The following ABCC2 variants were observed in gnomAD, a reference collection of about 807,000 sequenced individuals.
ABCC2 encodes ATP binding cassette subfamily C member 2, also known as ATP-binding cassette sub-family C member 2.
A neutral mutation model predicts 173.4 loss-of-function variants in ABCC2; 157 were observed. The observed-to-expected ratio is 0.91, with a 90% CI of 0.80 to 1.03. The LOEUF is 1.03. Among genes scored for constraint, ABCC2 ranks in the 50% least tolerant of loss-of-function variants. The pLI, the probability that ABCC2 is intolerant of heterozygous loss-of-function variation, is 0.00. For synonymous variants in ABCC2, 657 were observed against 693.5 expected, an observed-to-expected ratio of 0.95 and a Z score of 0.83; for missense variants, 1,822 against 1,852.3, an observed-to-expected ratio of 0.98 and a Z score of 0.30.
chr10:99,787,092 C>T (rs1469503819), intron 2 of ABCC2, among the ~76,000 whole-genome samples: 2 of 150,250 alleles, frequency 1.3e-5, no homozygotes, highest in South Asian at 2.1e-4. Flanking sequence ...CACTTGAACC[C>T]GGGAGGTGGA....
intron 8 of ABCC2, 37 bp downstream of exon 8, chr10:99,799,407 TC>T (rs1158273929): frequency 6.2e-7 from 1 of 1,611,164 alleles, no homozygotes; most frequent in Non-Finnish European, 8.5e-7. Context: ...TTTCAGGGCC[TC>T]CTCTGCCACC....
At chr10:99,842,935 C>T (rs947525789) in intron 26 of ABCC2, among the ~76,000 whole-genome samples, 1 of 152,108 alleles carries the variant, frequency 6.6e-6, no homozygotes, top group African/African-American at 2.4e-5. Context: ...TGTCTGTAAT[C>T]CCAGCTACTG....
At chr10:99,832,167 T>C in intron 23 of ABCC2, 36 bp downstream of exon 23, 1 of 1,613,812 alleles carries the variant, frequency 6.2e-7, no homozygotes, top group South Asian at 1.1e-5. Flanking sequence ...GGTGTGTTTA[T>C]ATACTGAGGA....
Position 99,830,691 on chromosome 10 carries a change from G to C in ABCC2, c.2748-25G>C, listed in dbSNP as rs367760868. 9.9e-6 allele frequency: 16 copies of C among 1,613,894 alleles called. No homozygotes were observed. The African/African-American group carries it at 2.1e-4, about 22-fold the overall frequency. ...GAAGACCCTTGGGAATTGCCTGCATGCTCAGGGAAGCTTCCCTCTCTCAGT... is the reference window on the plus strand; with the variant it reads ...GAAGACCCTTGGGAATTGCCTGCATCCTCAGGGAAGCTTCCCTCTCTCAGT... On this transcript the variant is annotated intron_variant, in intron 20 of 31. Coordinates refer to ENST00000647814, the MANE Select transcript of ABCC2 (RefSeq NM_000392.5).
chr10:99,831,467 A>AT, intron 21 of ABCC2, 144 bp from the exon 22 acceptor site: 1 of 748,046 alleles, frequency 1.3e-6, no homozygotes, highest in Non-Finnish European at 2.4e-6. Flanking sequence ...CAGTGCAGAA[A>AT]TGGTGACCAC....
intron 19 of ABCC2, among the ~76,000 whole-genome samples, chr10:99,825,779 C>T (rs572314995): frequency 1.4e-3 from 218 of 152,318 alleles, no homozygotes; most frequent in African/African-American, 4.8e-3. Flanking sequence ...TGGGGGCTCC[C>T]CTGGAAGCAG....
At chr10:99,830,999 A>C in intron 21 of ABCC2, 148 bp downstream of exon 21, 1 of 881,616 alleles carries the variant, frequency 1.1e-6, no homozygotes, top group East Asian at 2.7e-5. Context: ...TTAACCTGTT[A>C]GCAGAGGCTG....
rs775253982 is a variant in ABCC2 at position 99,831,738 on chromosome 10, C to T, written c.3011C>T (p.Thr1004Ile). 6.2e-6 allele frequency: 10 copies of T among 1,614,054 alleles called. No homozygotes were observed. The African/African-American group carries it at 8.0e-5, about 13-fold the overall frequency. Residue 1004 changes from threonine to isoleucine, a missense_variant, in exon 22 of 32, where the codon ACC becomes ATC. Coordinates refer to ENST00000647814, the MANE Select transcript of ABCC2 (RefSeq NM_000392.5). ...IGSNLWLSAWTSDSKIFNSTD... is the reference protein window; with the variant it reads ...IGSNLWLSAWISDSKIFNSTD... ...TCCAACCTCTGGCTCAGTGCTTGGA[C>T]CAGTGACTCTAAAATCTTCAATAGC...
intron 2 of ABCC2, among the ~76,000 whole-genome samples, chr10:99,790,295 C>T (rs1215346157): frequency 4.6e-5 from 7 of 152,106 alleles, no homozygotes; most frequent in Admixed American, 4.6e-4. Flanking sequence ...ATTGTATTCT[C>T]ATATTAATGA....
intron 16 of ABCC2, among the ~76,000 whole-genome samples, chr10:99,814,226 CACAT>C (rs2038292263): frequency 1.7e-5 from 1 of 60,426 alleles, no homozygotes; most frequent in Admixed American, 1.6e-4. Context: ...TATATATACA[CACAT>C]GTGTATATAT....
intron 1 of ABCC2, among the ~76,000 whole-genome samples, 175 bp from the exon 2 acceptor site, chr10:99,784,433 A>G (rs146343809): frequency 6.6e-6 from 1 of 152,322 alleles, no homozygotes; most frequent in African/African-American, 2.4e-5. Flanking sequence ...TTTGTCATTA[A>G]ATGGTGAATT....
In ABCC2 at chr10:99,800,412, G is replaced by A. The variant is rs7080681; in HGVS notation, c.1058G>A (p.Arg353His). The A allele has an allele frequency of 2.8e-3, 4,498 of 1,614,130 alleles. 90 individuals are homozygous for A. The African/African-American group carries it at 0.049, about 18-fold the overall frequency. The change falls in exon 9 of 32, where the codon CGT (arginine) becomes CAT (histidine). Residue 353 changes from arginine (R) to histidine (H), a missense_variant. Coordinates refer to ENST00000647814, the MANE Select transcript of ABCC2 (RefSeq NM_000392.5). ...TTGCTGATCTCCTTTGCAAGTGACC[G>A]TGACACATATTTGTGGATTGGATAT... ...LKLLISFASD[R>H]DTYLWIGYLC...
Position 99,851,796 on chromosome 10 carries a change from C to T in ABCC2, c.*165C>T, listed in dbSNP as rs913197993. On this transcript the variant is annotated 3_prime_UTR_variant, in exon 32 of 32. Transcript: ENST00000647814. ...CTACCCAGGTTAAGAAAATAAATGT[C>T]ACCAGGTACTTGAGAAACCCCTCGA... The T allele has an allele frequency of 1.5e-6, 1 of 668,670 alleles. No homozygotes were observed. Among genetic ancestry groups the T allele is most frequent in the African/African-American group, 1.8e-5 (1 of 54,612 alleles). The allele number at this position is 668,670 out of a possible 1,614,324, so 41.4% of individuals were successfully genotyped here. A position where few individuals can be genotyped will look rare whatever the true frequency, so the allele number is the denominator to read the frequency against.
At chr10:99,797,533 G>A in intron 7 of ABCC2, 1 of 579,580 alleles carries the variant, frequency 1.7e-6, no homozygotes, top group South Asian at 2.2e-5. Flanking sequence ...TTCCTTTGGG[G>A]TACTTTTGAA....
Position 99,805,366 on chromosome 10 carries a change from G to T in ABCC2, c.1465-16G>T. 8 of 1,611,256 alleles carry T rather than the reference G, an allele frequency of 5.0e-6. No homozygotes were observed. In the East Asian group the frequency reaches 6.7e-5, roughly 13 times the overall value. ...TGGAAGCGTATATTGTTTTTCTTTT[G>T]CTTTTTTCCTGGCAGGTCAAAAATA... On this transcript the variant is annotated splice_polypyrimidine_tract_variant and intron_variant, in intron 10 of 31. Coordinates refer to ENST00000647814, the MANE Select transcript of ABCC2 (RefSeq NM_000392.5).
chr10:99,814,908 A>C (rs1438939874), intron 16 of ABCC2, among the ~76,000 whole-genome samples: 1 of 150,976 alleles, frequency 6.6e-6, no homozygotes, highest in Non-Finnish European at 1.5e-5. Context: ...GGTTCAAGCA[A>C]TTCTCCTGCC....
At chr10:99,804,407 C>G in intron 10 of ABCC2, 134 bp downstream of exon 10, 1 of 1,198,070 alleles carries the variant, frequency 8.3e-7, no homozygotes, top group Non-Finnish European at 1.2e-6. Context: ...CTCAATTGTA[C>G]TTAGCTGTCT....
At chr10:99,801,861 T>C (rs969765905) in intron 9 of ABCC2, among the ~76,000 whole-genome samples, 4 of 152,240 alleles carry the variant, frequency 2.6e-5, no homozygotes, top group Non-Finnish European at 5.9e-5. Flanking sequence ...TGAGTAGATG[T>C]TGGTTCGTTG....
chr10:99,837,034 TA>T (rs2038834794), intron 25 of ABCC2, among the ~76,000 whole-genome samples: 1 of 152,228 alleles, frequency 6.6e-6, no homozygotes, highest in Admixed American at 6.5e-5. Flanking sequence ...GGCATATAAG[TA>T]AATCTTATTA....
Sources: gnomAD v4.1 joint callset for allele counts (sites outside exome capture counted in the v4.1 genomes callset) on GRCh38, gnomAD v4.1.1 for gene constraint, MANE v1.5 for transcripts, NCBI Gene and HGNC (gene_info 2026-07-23, HGNC 2026-07-21) for gene names.